Variants in GALE observed in about 807,000 individuals in gnomAD.
The protein encoded by GALE is UDP-glucose 4-epimerase.
A neutral mutation model predicts 44.1 loss-of-function variants in GALE; 32 were observed. The ratio of observed to expected loss-of-function variants is 0.73; its 90% confidence interval spans 0.55 to 0.97. The LOEUF is 0.97. Ranked by LOEUF, GALE falls within the 50% of genes least tolerant of loss-of-function variation. GALE has a pLI of 0.00. For synonymous variants in GALE, 182 were observed against 183.5 expected (o/e 0.99, Z 0.06); for missense variants, 423 against 455.6 (o/e 0.93, Z 0.65).
chr1:23,799,102 G>C, intron 2 of GALE, 90 bp from the exon 3 acceptor site: 1 of 1,563,520 alleles, frequency 6.4e-7, no homozygotes, highest in Non-Finnish European at 8.7e-7. Context: ...AGCTCGCTTT[G>C]GAAGGAGGCG....
rs779828095 is a variant in GALE at position 23,796,587 on chromosome 1, C to A, written c.796-1G>T. Reference sequence around the variant, plus strand: ...CTGTGCCCGTGCCCAGGTTGTAGATCTGGCCCACGGAGAACAGGGTTTATG... The same window carrying A: ...CTGTGCCCGTGCCCAGGTTGTAGATATGGCCCACGGAGAACAGGGTTTATG... On this transcript the variant is annotated splice_acceptor_variant, in intron 9 of 11. Transcript: ENST00000617979. LOFTEE classifies it high-confidence loss of function. The surrounding 1 kb of genome is among the most constrained non-coding windows in gnomAD (Gnocchi z 5.2). The A allele has an allele frequency of 2.5e-5, 40 of 1,614,016 alleles. No homozygotes were observed. The highest frequency in any genetic ancestry group is 3.1e-5 in the Non-Finnish European group (37 of 1,180,038).
chr1:23,799,185 C>T, intron 2 of GALE, 173 bp from the exon 3 acceptor site: 1 of 756,268 alleles, frequency 1.3e-6, no homozygotes. Context: ...CACTTTCTGG[C>T]CTTAGGCTTT....
chr1:23,796,692 C>T lies in GALE; in HGVS notation c.795+5G>A. 2.5e-6 allele frequency: 4 copies of T among 1,613,496 alleles called. No homozygotes were observed. The highest frequency in any genetic ancestry group is 3.4e-6 in the Non-Finnish European group (4 of 1,179,742). ...CCCTCCCTCACTTCTCCCTTCTCTTCCTACCCGGCAGCCACACTGTTCTTT... is the reference window on the plus strand; with the variant it reads ...CCCTCCCTCACTTCTCCCTTCTCTTTCTACCCGGCAGCCACACTGTTCTTT... On this transcript the variant is annotated splice_donor_5th_base_variant and intron_variant, in intron 9 of 11. Transcript: ENST00000617979. The surrounding 1 kb of genome is among the most constrained non-coding windows in gnomAD (Gnocchi z 5.2).
chr1:23,799,377 A>T lies in GALE; in HGVS notation c.-17T>A. ...CTAGTTCCACTTGCCTTGGAGTTGG[A>T]AAAGATGGAATCTGAGGATCCACAC... On this transcript the variant is annotated 5_prime_UTR_variant, in exon 2 of 12. Coordinates refer to ENST00000617979, the MANE Select transcript of GALE (RefSeq NM_001008216.2). 3 of 342,044 alleles carry T rather than the reference A, an allele frequency of 8.8e-6. No homozygotes were observed. The highest frequency in any genetic ancestry group is 4.9e-5 in the South Asian group (2 of 41,232). The allele number at this position is 342,044 out of a possible 1,614,324, so 21.2% of individuals were successfully genotyped here. A position where few individuals can be genotyped will look rare whatever the true frequency, so the allele number is the denominator to read the frequency against.
chr1:23,796,559 A>G lies in GALE; in HGVS notation c.823T>C (p.Tyr275His), dbSNP rs759512529. 2.5e-6 allele frequency: 4 copies of G among 1,614,044 alleles called. No homozygotes were observed. The highest frequency in any genetic ancestry group is 1.7e-5 in the Admixed American group (1 of 60,018). Reference sequence around the variant, plus strand: ...GCCTGGACCATCTGCAGCACTGAATAGCCTGTGCCCGTGCCCAGGTTGTAG... The same window carrying G: ...GCCTGGACCATCTGCAGCACTGAATGGCCTGTGCCCGTGCCCAGGTTGTAG... Reference protein sequence around the residue: ...RIYNLGTGTGYSVLQMVQAME... With the variant: ...RIYNLGTGTGHSVLQMVQAME... The change falls in exon 10 of 12, where the codon TAT becomes CAT. Residue 275 changes from tyrosine (Y) to histidine (H), a missense_variant. Coordinates refer to ENST00000617979, the MANE Select transcript of GALE (RefSeq NM_001008216.2). This position sits in a 1 kb window ranked among gnomAD's most constrained non-coding sequence, Gnocchi z 5.2.
At chr1:23,799,337 C>A in intron 2 of GALE, 29 bp downstream of exon 2, 1 of 396,878 alleles carries the variant, frequency 2.5e-6, no homozygotes, top group South Asian at 2.3e-5. Flanking sequence ...ACCTGACACA[C>A]AGGCACCTTA....
rs2148408713 is a variant in GALE at position 23,795,934 on chromosome 1, GGT to G, written c.*13_*14del. 2 of 1,612,224 alleles carry G rather than the reference GGT, an allele frequency of 1.2e-6. No homozygotes were observed. The highest frequency in any genetic ancestry group is 1.7e-6 in the Non-Finnish European group (2 of 1,178,816). ...GCAGCTGCTGCTTTTCCTGGTCCTT[GGT>G]AGGGGAGGGTCCTCAGGCTTGCGTG... On this transcript the variant is annotated 3_prime_UTR_variant, in exon 12 of 12. Coordinates refer to ENST00000617979, the MANE Select transcript of GALE (RefSeq NM_001008216.2).
Position 23,798,440 on chromosome 1 carries a change from G to A in GALE, c.237+175C>T, listed in dbSNP as rs1404571876. 1.4e-6 allele frequency: 1 copy of A among 694,492 alleles called. No individual in the cohort carries two copies. The highest frequency in any genetic ancestry group is 2.6e-6 in the Non-Finnish European group (1 of 391,840). 43.0% of individuals were successfully genotyped at this position (694,492 alleles called of 1,614,324 possible). The stretch of plus-strand genomic sequence containing the variant: ...CCATGCCAGCCTCCCGAGTAGCTGG[G>A]ACCACAGGTATGGGCTACCATGCCC... On this transcript the variant is annotated intron_variant, in intron 4 of 11. Coordinates refer to ENST00000617979, the MANE Select transcript of GALE (RefSeq NM_001008216.2). This position sits in a 1 kb window ranked among gnomAD's most constrained non-coding sequence, Gnocchi z 4.5.
In GALE at chr1:23,796,811, G is replaced by A; in HGVS notation, c.710-29C>T. 6.2e-7 allele frequency: 1 copy of A among 1,607,752 alleles called. No homozygotes were observed. Among genetic ancestry groups the A allele is most frequent in the Non-Finnish European group, 8.5e-7 (1 of 1,176,766 alleles). Reference sequence around the variant, plus strand: ...CAGAGAAGGGAGTGTGTTGGATGGGGAGTCTGTTCCCCCTGACTCTCCTTC... The same window carrying A: ...CAGAGAAGGGAGTGTGTTGGATGGGAAGTCTGTTCCCCCTGACTCTCCTTC... On this transcript the variant is annotated intron_variant, in intron 8 of 11. Transcript: ENST00000617979. This position sits in a 1 kb window ranked among gnomAD's most constrained non-coding sequence, Gnocchi z 5.2.
rs952401342 is a variant in GALE, at chr1:23,796,355, G to A, written c.874-90C>T. The A allele has an allele frequency of 8.6e-5, 126 of 1,459,984 alleles. No homozygotes were observed. The highest frequency in any genetic ancestry group is 7.4e-4 in the South Asian group (65 of 87,392). The allele number at this position is 1,459,984 out of a possible 1,614,324, so 90.4% of individuals were successfully genotyped here. ...TTAAGAAGCAGAAGTGCAGAGCAGC[G>A]GCTGGCCCGCAGGCACCGGGTGCTA... On this transcript the variant is annotated intron_variant, in intron 10 of 11. Coordinates refer to ENST00000617979, the MANE Select transcript of GALE (RefSeq NM_001008216.2). The surrounding 1 kb of genome is among the most constrained non-coding windows in gnomAD (Gnocchi z 5.2).
At position 23,796,174 on chromosome 1, in the gene GALE, G is replaced by A. The variant is rs773855586; in HGVS notation, c.965C>T (p.Ala322Val). The change falls in exon 11 of 12, where the codon GCA becomes GTA. Residue 322 changes from alanine to valine, a missense_variant. Transcript: ENST00000617979. This position sits in a 1 kb window ranked among gnomAD's most constrained non-coding sequence, Gnocchi z 5.2. ...ACACATCCTGTCCAGCCCTAAGGCTGCTGTCCACCCCAGCTCCTCTTGGGC... is the reference window on the plus strand; with the variant it reads ...ACACATCCTGTCCAGCCCTAAGGCTACTGTCCACCCCAGCTCCTCTTGGGC... ...SLAQEELGWT[A>V]ALGLDRMCED... 1.2e-6 allele frequency: 2 copies of A among 1,613,990 alleles called. No individual in the cohort carries two copies. Among genetic ancestry groups the A allele is most frequent in the Non-Finnish European group, 1.7e-6 (2 of 1,179,882 alleles).
chr1:23,799,369 G>T lies in GALE; in HGVS notation c.-9C>A. 1 of 343,676 alleles carries T rather than the reference G, an allele frequency of 2.9e-6. No homozygotes were observed. 21.3% of individuals were successfully genotyped at this position (343,676 alleles called of 1,614,324 possible). A position where few individuals can be genotyped will look rare whatever the true frequency, so the allele number is the denominator to read the frequency against. ...CTTATTTTCTAGTTCCACTTGCCTT[G>T]GAGTTGGAAAAGATGGAATCTGAGG... On this transcript the variant is annotated 5_prime_UTR_variant, in exon 2 of 12. Coordinates refer to ENST00000617979, the MANE Select transcript of GALE (RefSeq NM_001008216.2).
chr1:23,797,853 C>G lies in GALE; in HGVS notation c.370G>C (p.Val124Leu). Reference sequence around the variant, plus strand: ...GAGCTGCTGAACACCAGGTTCTTCACCCCGTGGGCCTTCATGATCTGGCCG... The same window carrying G: ...GAGCTGCTGAACACCAGGTTCTTCAGCCCGTGGGCCTTCATGATCTGGCCG... Reference protein sequence around the residue: ...QLLEIMKAHGVKNLVFSSSAT... With the variant: ...QLLEIMKAHGLKNLVFSSSAT... The change falls in exon 6 of 12, where the codon GTG (valine) becomes CTG (leucine). Residue 124 changes from valine (V) to leucine (L), a missense_variant. Transcript: ENST00000617979. 1 of 1,614,240 alleles carries G rather than the reference C, an allele frequency of 6.2e-7. No homozygotes were observed. The highest frequency in any genetic ancestry group is 2.2e-5 in the East Asian group (1 of 44,882).
chr1:23,795,660 TA>T lies in GALE; in HGVS notation c.*288del. On this transcript the variant is annotated 3_prime_UTR_variant, in exon 12 of 12. Transcript: ENST00000617979. ...TTTGGAAAGCTCTTTCAGAGCAATATAAATGAGTGCCTGGGAGGAGGAGGTT... is the reference window on the plus strand; with the variant it reads ...TTTGGAAAGCTCTTTCAGAGCAATATAATGAGTGCCTGGGAGGAGGAGGTT... The T allele has an allele frequency of 1.8e-6, 1 of 570,334 alleles. No homozygotes were observed. The highest frequency in any genetic ancestry group is 2.1e-5 in the South Asian group (1 of 47,890). 35.3% of individuals were successfully genotyped at this position (570,334 alleles called of 1,614,324 possible).
chr1:23,795,729 G>A lies in GALE; in HGVS notation c.*220C>T. On this transcript the variant is annotated 3_prime_UTR_variant, in exon 12 of 12. Coordinates refer to ENST00000617979, the MANE Select transcript of GALE (RefSeq NM_001008216.2). ...CCCCTCACTCACTCTTGGGGGTCCT[G>A]ATGAACTCTTGGACCCTGTGGAAGA... The A allele has an allele frequency of 3.3e-6, 2 of 605,988 alleles. No homozygotes were observed. The highest frequency in any genetic ancestry group is 5.9e-6 in the Non-Finnish European group (2 of 338,802). 37.5% of individuals were successfully genotyped at this position (605,988 alleles called of 1,614,324 possible).
Position 23,797,220 on chromosome 1 carries a change from C to T in GALE, c.529-73G>A. 8 of 1,038,688 alleles carry T rather than the reference C, an allele frequency of 7.7e-6. No homozygotes were observed. The South Asian group carries it at 1.1e-4, about 14-fold the overall frequency. The allele number at this position is 1,038,688 out of a possible 1,614,324, so 64.3% of individuals were successfully genotyped here. On this transcript the variant is annotated intron_variant, in intron 6 of 11. Transcript: ENST00000617979. ...TCCCAGCTGAACCCAGAGCCCTCCT[C>T]ATGCCTATTCTGTTTTTTTGAGATG...
chr1:23,798,198 C>T lies in GALE; in HGVS notation c.270G>A (p.Gly90=). The T allele has an allele frequency of 1.2e-6, 2 of 1,614,056 alleles. No homozygotes were observed. Among genetic ancestry groups the T allele is most frequent in the Non-Finnish European group, 8.5e-7 (1 of 1,180,008 alleles). ...GCACCGACTCGCCCACGGCCTTGAG[C>T]CCCGCAAAGTGGATGACCGCCATAA... ...YSFMAVIHFA[G]LKAVGESVQK... Residue 90 remains glycine (G), a synonymous_variant, in exon 5 of 12, where the codon GGG becomes GGA. Transcript: ENST00000617979. The surrounding 1 kb of genome is among the most constrained non-coding windows in gnomAD (Gnocchi z 4.5).
rs776658054 is a variant in GALE, at chr1:23,795,935, G to A, written c.*14C>T. 6.2e-7 allele frequency: 1 copy of A among 1,612,660 alleles called. No individual in the cohort carries two copies. The highest frequency in any genetic ancestry group is 8.5e-7 in the Non-Finnish European group (1 of 1,179,114). ...CAGCTGCTGCTTTTCCTGGTCCTTGGTAGGGGAGGGTCCTCAGGCTTGCGT... is the reference window on the plus strand; with the variant it reads ...CAGCTGCTGCTTTTCCTGGTCCTTGATAGGGGAGGGTCCTCAGGCTTGCGT... On this transcript the variant is annotated 3_prime_UTR_variant, in exon 12 of 12. Transcript: ENST00000617979.
At position 23,796,997 on chromosome 1, in the gene GALE, C is replaced by G. The variant is rs1262944939; in HGVS notation, c.642+37G>C. On this transcript the variant is annotated intron_variant, in intron 7 of 11. Transcript: ENST00000617979. The surrounding 1 kb of genome is among the most constrained non-coding windows in gnomAD (Gnocchi z 5.2). ...CAGATCCCAGGCACCAGCTTTAACC[C>G]CAGGGCCACTCCTCTGTCCCTTCCC... 1 of 1,608,012 alleles carries G rather than the reference C, an allele frequency of 6.2e-7. No homozygotes were observed. Among genetic ancestry groups the G allele is most frequent in the Non-Finnish European group, 8.5e-7 (1 of 1,176,678 alleles).
Sources: gnomAD v4.1 joint callset for allele counts on GRCh38, gnomAD v4.1.1 for gene constraint, Gnocchi (gnomAD v3.1) non-coding constraint, MANE v1.5 for transcripts, NCBI Gene and HGNC (gene_info 2026-07-23, HGNC 2026-07-21) for gene names.